Variants in PTPN14 observed in about 807,000 individuals in gnomAD.
The protein encoded by PTPN14 is tyrosine-protein phosphatase non-receptor type 14.
Under a neutral mutation model 126.8 loss-of-function variants are expected in PTPN14, and 53 were observed. That is an observed-to-expected ratio of 0.42 (90% confidence interval 0.34 to 0.53). The LOEUF is 0.53. Ranked by LOEUF, PTPN14 falls within the 20% of genes least tolerant of loss-of-function variation. PTPN14 has a pLI of 0.08. For synonymous variants in PTPN14, 630 were observed against 599.3 expected, an observed-to-expected ratio of 1.05 and a Z score of -0.75; for missense variants, 1,257 against 1,552.9, an observed-to-expected ratio of 0.81 and a Z score of 3.20.
At chr1:214,431,118 A>G (rs1659787285) in intron 3 of PTPN14, among the ~76,000 whole-genome samples, 1 of 152,230 alleles carries the variant, frequency 6.6e-6, no homozygotes, top group Non-Finnish European at 1.5e-5. Flanking sequence ...TGAACGGCAC[A>G]GACAAGTAAA....
chr1:214,504,222 C>T (rs773201320), intron 1 of PTPN14, among the ~76,000 whole-genome samples: 9 of 152,102 alleles, frequency 5.9e-5, no homozygotes, highest in Admixed American at 2.0e-4. Flanking sequence ...ATATTACACT[C>T]GAGGAGTCAG....
intron 4 of PTPN14, among the ~76,000 whole-genome samples, chr1:214,413,056 TC>T (rs1659344953): frequency 6.6e-6 from 1 of 152,142 alleles, no homozygotes; most frequent in Admixed American, 6.5e-5. Context: ...TTTACTTTTT[TC>T]GTAGAGACAG....
chr1:214,400,650 A>ATGACC (rs1386453165), intron 7 of PTPN14, among the ~76,000 whole-genome samples: 1 of 152,238 alleles, frequency 6.6e-6, no homozygotes, highest in Non-Finnish European at 1.5e-5. Context: ...TGATTTTTCA[A>ATGACC]TGACCCAAAA....
chr1:214,550,242 G>T (rs528663153), intron 1 of PTPN14, among the ~76,000 whole-genome samples: 2 of 152,322 alleles, frequency 1.3e-5, no homozygotes, highest in Non-Finnish European at 2.9e-5. Context: ...TTGGATGAAT[G>T]AGTAAACTAA....
chr1:214,364,519 T>C lies in PTPN14; in HGVS notation c.3428A>G (p.His1143Arg), dbSNP rs751395433. The C allele has an allele frequency of 3.7e-6, 6 of 1,613,898 alleles. No individual in the cohort carries two copies. Among genetic ancestry groups the C allele is most frequent in the South Asian group, 1.1e-5 (1 of 91,048 alleles). Residue 1143 changes from histidine (H) to arginine (R), a missense_variant, in exon 18 of 19, where the codon CAT (histidine) becomes CGT (arginine). This residue lies in a region of PTPN14 where 171 missense variants were observed against 229.8 expected (regional missense o/e 0.74). Transcript: ENST00000366956. The surrounding 1 kb of genome is among the most constrained non-coding windows in gnomAD (Gnocchi z 4.1). ...LSELMIYCLE[H>R]NEKVEVPMML... ...AAGCCCAGAATGACTCACTTCGTTA[T>C]GTTCCAAGCAGTAGATCATCAGCTC...
intron 1 of PTPN14, among the ~76,000 whole-genome samples, chr1:214,484,832 G>T (rs1477517286): frequency 6.6e-6 from 1 of 152,212 alleles, no homozygotes; most frequent in Non-Finnish European, 1.5e-5. Flanking sequence ...GTCTTCAGGG[G>T]AAGCAAAAGT....
intron 2 of PTPN14, among the ~76,000 whole-genome samples, chr1:214,456,344 G>A (rs139010426): frequency 1.4e-4 from 21 of 152,280 alleles, no homozygotes; most frequent in Non-Finnish European, 2.8e-4. Flanking sequence ...ATACAAGCAC[G>A]AACAGTTTCA....
intron 1 of PTPN14, among the ~76,000 whole-genome samples, chr1:214,493,441 T>C (rs553992192): frequency 7.3e-4 from 111 of 152,326 alleles, no homozygotes; most frequent in Middle Eastern, 6.8e-3. Flanking sequence ...TACCCCATTT[T>C]CCATGATGTG....
At chr1:214,403,452 G>A (rs945320704) in intron 5 of PTPN14, among the ~76,000 whole-genome samples, 16 of 152,208 alleles carry the variant, frequency 1.1e-4, no homozygotes, top group Admixed American at 2.6e-4. Flanking sequence ...TGATGGTCAC[G>A]GGGGCAGAGG....
chr1:214,378,508 G>A (rs1407511134), intron 13 of PTPN14, among the ~76,000 whole-genome samples: 1 of 152,238 alleles, frequency 6.6e-6, no homozygotes, highest in Non-Finnish European at 1.5e-5. Context: ...CGGACCTTCT[G>A]CACAGACGGA....
chr1:214,368,589 C>T (rs542933963), intron 17 of PTPN14, among the ~76,000 whole-genome samples: 1 of 152,246 alleles, frequency 6.6e-6, no homozygotes, highest in South Asian at 2.1e-4. Context: ...TTTAAGTACA[C>T]AGTTCAGTGG....
At chr1:214,452,069 T>C (rs1214112508) in intron 2 of PTPN14, 95 bp from the exon 3 acceptor site, 1 of 1,394,692 alleles carries the variant, frequency 7.2e-7, no homozygotes, top group Admixed American at 2.2e-5. Context: ...CATCCCACCC[T>C]GGGTTCCCCA....
intron 1 of PTPN14, chr1:214,530,451 C>T (rs1453055714): frequency 1.3e-5 from 2 of 151,330 alleles, no homozygotes; most frequent in Admixed American, 6.6e-5. Context: ...AAGCAATCCT[C>T]CCACCTCAGT....
chr1:214,407,441 A>G (rs1659196912), intron 5 of PTPN14, among the ~76,000 whole-genome samples: 1 of 151,654 alleles, frequency 6.6e-6, no homozygotes, highest in African/African-American at 2.4e-5. Context: ...GGTTGTAGTG[A>G]GCTGAGATGG....
intron 3 of PTPN14, among the ~76,000 whole-genome samples, chr1:214,417,666 C>T (rs1303384359): frequency 6.6e-6 from 1 of 152,202 alleles, no homozygotes; most frequent in Non-Finnish European, 1.5e-5. Context: ...AGCACGTCTG[C>T]AACTGTGTTT....
chr1:214,550,453 G>C (rs2102493971), intron 1 of PTPN14, among the ~76,000 whole-genome samples: 1 of 152,274 alleles, frequency 6.6e-6, no homozygotes, highest in East Asian at 1.9e-4. Context: ...AGGGAGATAG[G>C]GGCAGCGTTA....
At chr1:214,418,193 A>C (rs1659467554) in intron 3 of PTPN14, among the ~76,000 whole-genome samples, 1 of 152,202 alleles carries the variant, frequency 6.6e-6, no homozygotes. Context: ...TGCAGTGAGC[A>C]GGGAGGGCAG....
At chr1:214,447,636 T>C (rs1484079461) in intron 3 of PTPN14, among the ~76,000 whole-genome samples, 1 of 152,140 alleles carries the variant, frequency 6.6e-6, no homozygotes, top group Non-Finnish European at 1.5e-5. Flanking sequence ...CTGACACCCC[T>C]TGGCACATTC....
At chr1:214,475,051 T>C (rs1452457827) in intron 1 of PTPN14, among the ~76,000 whole-genome samples, 1 of 152,228 alleles carries the variant, frequency 6.6e-6, no homozygotes, top group African/African-American at 2.4e-5. Context: ...GAGGCACCAC[T>C]ATGAGTTGAC....
Sources: gnomAD v4.1 joint callset for allele counts (sites outside exome capture counted in the v4.1 genomes callset) on GRCh38, gnomAD v4.1.1 for gene constraint, gnomAD v4.1.1 regional missense constraint, Gnocchi (gnomAD v3.1) non-coding constraint, MANE v1.5 for transcripts, NCBI Gene and HGNC (gene_info 2026-07-23, HGNC 2026-07-21) for gene names.